TNRC18: variants seen among roughly 807,000 people sequenced by gnomAD.
The protein encoded by TNRC18 is trinucleotide repeat-containing gene 18 protein.
TNRC18 carries 69 observed loss-of-function variants against 226.7 expected under a neutral mutation model. The ratio of observed to expected loss-of-function variants is 0.30; its 90% CI spans 0.25 to 0.37. The LOEUF (loss-of-function observed/expected upper bound fraction) is 0.37. TNRC18 is among the 10% of genes least tolerant of loss of function. The pLI, the probability that TNRC18 is intolerant of heterozygous loss-of-function variation, is 1.00. For synonymous variants in TNRC18, 2,449 were observed against 1,927.6 expected, an observed-to-expected ratio of 1.27 and a Z score of -7.09; for missense variants, 4,754 against 4,256.6, an observed-to-expected ratio of 1.12 and a Z score of -3.25.
At chr7:5,345,517 G>GGCTCCCCCCC in intron 18 of TNRC18, 45 bp downstream of exon 18, 1 of 377,744 alleles carries the variant, frequency 2.6e-6, no homozygotes, top group South Asian at 4.4e-5. Context: ...AATGGCGTCC[G>GGCTCCCCCCC]CCCCTCCCAC....
rs1162131832 is a variant in TNRC18 at position 5,370,782 on chromosome 7, ACCACGGGCACCG to A, written c.3800_3811del (p.Ala1267_Val1270del). The stretch of plus-strand genomic sequence containing the variant: ...CAGGCCTTCCTCGGGCACTGCCTCC[ACCACGGGCACCG>A]CCACAGGCACCTCCACCGGCTCCTC... On this transcript the variant is annotated inframe_deletion, in exon 11 of 30. Coordinates refer to ENST00000430969, the MANE Select transcript of TNRC18 (RefSeq NM_001080495.3). 2.5e-6 allele frequency: 4 copies of A among 1,602,794 alleles called. No homozygotes were observed. The African/African-American group carries it at 4.0e-5, about 16-fold the overall frequency.
intron 16 of TNRC18, among the ~76,000 whole-genome samples, chr7:5,352,847 G>A (rs1791967373): frequency 6.6e-6 from 1 of 152,346 alleles, no homozygotes; most frequent in South Asian, 2.1e-4. Context: ...TTTCTTACTG[G>A]GCAAGATGGG....
intron 18 of TNRC18, among the ~76,000 whole-genome samples, chr7:5,337,890 G>A (rs1052216470): frequency 3.9e-5 from 6 of 152,036 alleles, no homozygotes; most frequent in Admixed American, 2.0e-4. Flanking sequence ...GACTGAGGCA[G>A]GAGAATCGCT....
chr7:5,420,406 A>G, intron 2 of TNRC18: 1 of 456,024 alleles, frequency 2.2e-6, no homozygotes, highest in Non-Finnish European at 4.4e-6. Context: ...GCTGGAAAAC[A>G]AGGGGTCCCC....
chr7:5,333,038 C>T lies in TNRC18; in HGVS notation c.5731G>A (p.Glu1911Lys). The T allele has an allele frequency of 1.3e-6, 2 of 1,576,086 alleles. No individual in the cohort carries two copies. The highest frequency in any genetic ancestry group is 1.7e-6 in the Non-Finnish European group (2 of 1,169,182). The part of the protein sequence containing the change: ...ERQSLLGTEF[E>K]YTDSESEVKV... ...ACCTCGCTCTCTGAGTCGGTGTACT[C>T]GAACTCTGTGCCTGAACGCGGGAGG... The change falls in exon 19 of 30, where the codon GAG (glutamate) becomes AAG (lysine). Residue 1911 changes from glutamate to lysine, a missense_variant. By Grantham distance (56) the Glu-to-Lys change is moderately conservative. Transcript: ENST00000430969.
At chr7:5,365,520 A>G (rs1793528045) in intron 11 of TNRC18, among the ~76,000 whole-genome samples, 1 of 152,140 alleles carries the variant, frequency 6.6e-6, no homozygotes, top group Admixed American at 6.5e-5. Flanking sequence ...GTTCTCTGAT[A>G]AATACTCCCC....
At chr7:5,333,161 G>C in intron 18 of TNRC18, 112 bp from the exon 19 acceptor site, 1 of 1,213,342 alleles carries the variant, frequency 8.2e-7, no homozygotes, top group Non-Finnish European at 1.2e-6. Flanking sequence ...CAATGGCAGC[G>C]CTTCTGCCCG....
chr7:5,414,698 C>A (rs367950996), intron 2 of TNRC18, among the ~76,000 whole-genome samples: 3 of 152,374 alleles, frequency 2.0e-5, no homozygotes, highest in Admixed American at 2.0e-4. Flanking sequence ...AGGCGTGAGC[C>A]ACTGCGCCCG....
intron 2 of TNRC18, among the ~76,000 whole-genome samples, chr7:5,417,243 G>A (rs904608433): frequency 6.6e-6 from 1 of 152,026 alleles, no homozygotes; most frequent in African/African-American, 2.4e-5. Context: ...CAAGGCAGGA[G>A]GATTACTTGA....
intron 16 of TNRC18, among the ~76,000 whole-genome samples, chr7:5,352,871 C>G (rs1405036138): frequency 6.6e-6 from 1 of 152,260 alleles, no homozygotes; most frequent in African/African-American, 2.4e-5. Flanking sequence ...ACAGGGGTTC[C>G]AGAGACAGAG....
At chr7:5,316,787 G>A (rs1400116728) in intron 24 of TNRC18, among the ~76,000 whole-genome samples, 4 of 152,180 alleles carry the variant, frequency 2.6e-5, no homozygotes, top group African/African-American at 7.2e-5. Context: ...GTGCAGGAAC[G>A]GGCTTTGATC....
At chr7:5,409,234 A>G (rs1379524854) in intron 2 of TNRC18, among the ~76,000 whole-genome samples, 1 of 152,018 alleles carries the variant, frequency 6.6e-6, no homozygotes, top group African/African-American at 2.4e-5. Flanking sequence ...GAGAAAAGAG[A>G]AAAAAGACTC....
intron 11 of TNRC18, among the ~76,000 whole-genome samples, chr7:5,364,106 C>A (rs1793364935): frequency 6.6e-6 from 1 of 152,076 alleles, no homozygotes; most frequent in South Asian, 2.1e-4. Context: ...TGAGACCAGT[C>A]TGGCCAACAT....
intron 2 of TNRC18, chr7:5,407,531 G>C (rs1285322785): frequency 6.6e-6 from 1 of 152,218 alleles, no homozygotes. Flanking sequence ...TCCCCACCTG[G>C]GATCACAGCA....
intron 19 of TNRC18, among the ~76,000 whole-genome samples, chr7:5,328,034 C>CA (rs1430628434): frequency 3.3e-5 from 5 of 151,902 alleles, no homozygotes; most frequent in Non-Finnish European, 7.4e-5. Context: ...CCAGCCCAGC[C>CA]AACATGGTGA....
In TNRC18 at chr7:5,389,319, TG is replaced by T; in HGVS notation, c.504del (p.Thr169ProfsTer73). On this transcript the variant is annotated frameshift_variant, in exon 5 of 30. Coordinates refer to ENST00000430969, the MANE Select transcript of TNRC18 (RefSeq NM_001080495.3). LOFTEE classifies it high-confidence loss of function. Reference sequence around the variant, plus strand: ...TGCAGGGAGCCCGGAGCCCCCGCGGTGGGCAGGTAGAAACCGTCTGCGGAGA... The same window carrying T: ...TGCAGGGAGCCCGGAGCCCCCGCGGTGGCAGGTAGAAACCGTCTGCGGAGA... Reference protein sequence around the residue: ...QGPGGDGFYLPTAGAPGSLHS... With the variant: ...QGPGGDGFYLXTAGAPGSLHS... 1 of 1,279,476 alleles carries T rather than the reference TG, an allele frequency of 7.8e-7. No individual in the cohort carries two copies. Among genetic ancestry groups the T allele is most frequent in the Non-Finnish European group, 9.9e-7 (1 of 1,013,382 alleles). 79.3% of individuals were successfully genotyped at this position (1,279,476 alleles called of 1,614,324 possible). A position where few individuals can be genotyped will look rare whatever the true frequency, so the allele number is the denominator to read the frequency against.
At chr7:5,380,886 C>G (rs746473129) in intron 5 of TNRC18, among the ~76,000 whole-genome samples, 1 of 152,208 alleles carries the variant, frequency 6.6e-6, no homozygotes, top group Non-Finnish European at 1.5e-5. Context: ...CCCAGAGGCT[C>G]AGCCACCTGA....
rs746364019 is a variant in TNRC18 at position 5,388,105 on chromosome 7, G to C, written c.1719C>G (p.His573Gln). 1.3e-6 allele frequency: 2 copies of C among 1,553,746 alleles called. No homozygotes were observed. Among genetic ancestry groups the C allele is most frequent in the Non-Finnish European group, 8.7e-7 (1 of 1,149,448 alleles). ...CCTCTCCAGACCCGTGGGCCGCAGAGTGCATGTCAGCGACCGGCCGGCCGC... is the reference window on the plus strand; with the variant it reads ...CCTCTCCAGACCCGTGGGCCGCAGACTGCATGTCAGCGACCGGCCGGCCGC... ...ATCGRPVADMHSAAHGSGEAS... is the reference protein window; with the variant it reads ...ATCGRPVADMQSAAHGSGEAS... Residue 573 changes from histidine to glutamine, a missense_variant, in exon 5 of 30, where the codon CAC becomes CAG. By Grantham distance (24) the His-to-Gln change is conservative (BLOSUM62 0). Transcript: ENST00000430969.
chr7:5,417,171 T>C (rs1584131136), intron 2 of TNRC18, among the ~76,000 whole-genome samples: 1 of 121,682 alleles, frequency 8.2e-6, no homozygotes, highest in East Asian at 2.6e-4. Context: ...AAAAAAAATT[T>C]TAAGTAACAA....
Sources: allele counts gnomAD v4.1 joint callset (sites outside exome capture counted in the v4.1 genomes callset), GRCh38; gene constraint gnomAD v4.1.1; transcripts MANE v1.5; gene names NCBI Gene and HGNC (gene_info 2026-07-23, HGNC 2026-07-21).